PDE8A: variants seen among roughly 807,000 people sequenced by gnomAD.
PDE8A encodes the protein phosphodiesterase 8A, also known as high affinity cAMP-specific and IBMX-insensitive 3',5'-cyclic phosphodiesterase 8A.
A neutral mutation model predicts 105.0 loss-of-function variants in PDE8A; 59 were observed. That is an observed-to-expected ratio of 0.56 (90% CI 0.46 to 0.70). The LOEUF (loss-of-function observed/expected upper bound fraction) is 0.70, where lower values mean the gene tolerates loss of function less well. Among genes scored for constraint, PDE8A ranks in the 30% least tolerant of loss-of-function variants. The pLI is 0.00. For synonymous variants in PDE8A, 355 were observed against 371.9 expected (o/e 0.95, Z 0.52); for missense variants, 1,014 against 1,045.9 (o/e 0.97, Z 0.42).
At chr15:85,106,404 C>T (rs1302522702) in intron 11 of PDE8A, among the ~76,000 whole-genome samples, 1 of 152,176 alleles carries the variant, frequency 6.6e-6, no homozygotes, top group African/African-American at 2.4e-5. Context: ...ATGGACTATA[C>T]CTCATTCATT....
intron 12 of PDE8A, among the ~76,000 whole-genome samples, chr15:85,110,964 GTTTTAA>G (rs1219504972): frequency 2.6e-5 from 4 of 152,108 alleles, no homozygotes; most frequent in Non-Finnish European, 4.4e-5. Context: ...CACTCCAGTG[GTTTTAA>G]TTTTAATTTT....
In PDE8A at chr15:84,999,192, C is replaced by T. The variant is rs145256844; in HGVS notation, c.186+16844C>T. ...CTGGATTTCAGTGGTGCAATCTTGACTCACTGCAACCTCTGCCTCCTGGGT... is the reference window on the plus strand; with the variant it reads ...CTGGATTTCAGTGGTGCAATCTTGATTCACTGCAACCTCTGCCTCCTGGGT... On this transcript the variant is annotated intron_variant, in intron 1 of 21. Transcript: ENST00000394553. 3.3e-3 allele frequency among the ~76,000 whole-genome samples: 486 copies of T among 147,782 alleles called. 2 individuals are homozygous for T. Among genetic ancestry groups the T allele is most frequent in the African/African-American group, 0.012 (472 of 40,144 alleles).
At chr15:85,043,037 G>A (rs2080834500) in intron 1 of PDE8A, among the ~76,000 whole-genome samples, 1 of 152,136 alleles carries the variant, frequency 6.6e-6, no homozygotes, top group Admixed American at 6.6e-5. Context: ...TTGCAGTCAG[G>A]ATGCTAGTAG....
intron 20 of PDE8A, among the ~76,000 whole-genome samples, chr15:85,134,695 G>A (rs1242840876): frequency 4.6e-5 from 7 of 152,156 alleles, no homozygotes; most frequent in South Asian, 2.1e-4. Context: ...TAGCATACAC[G>A]CACCTCTGGG....
chr15:85,137,912 ACCAC>A lies in PDE8A; in HGVS notation c.*13_*16del. The A allele has an allele frequency of 6.6e-7, 1 of 1,517,910 alleles. No individual in the cohort carries two copies. Among genetic ancestry groups the A allele is most frequent in the Non-Finnish European group, 9.2e-7 (1 of 1,092,300 alleles). 94.0% of individuals were successfully genotyped at this position (1,517,910 alleles called of 1,614,324 possible). Reference sequence around the variant, plus strand: ...GACCACCTCCTGAATAGTGGGAGACACCACCCAGAGCCCTGAAGCTTTGTTCCTT... The same window carrying A: ...GACCACCTCCTGAATAGTGGGAGACACCAGAGCCCTGAAGCTTTGTTCCTT... On this transcript the variant is annotated 3_prime_UTR_variant, in exon 22 of 22. Coordinates refer to ENST00000394553, the MANE Select transcript of PDE8A (RefSeq NM_002605.3).
intron 1 of PDE8A, among the ~76,000 whole-genome samples, chr15:85,008,576 T>C (rs2080187219): frequency 6.6e-6 from 1 of 152,104 alleles, no homozygotes; most frequent in African/African-American, 2.4e-5. Context: ...TGCTACCAGG[T>C]ATAGGTCTTG....
intron 1 of PDE8A, chr15:85,063,510 C>T (rs1474045277): frequency 1.3e-5 from 2 of 152,178 alleles, no homozygotes; most frequent in Non-Finnish European, 2.9e-5. Context: ...CCTTGGGCCC[C>T]TTTGTGTTGT....
intron 1 of PDE8A, among the ~76,000 whole-genome samples, chr15:84,997,092 A>C (rs1305339253): frequency 6.6e-6 from 1 of 152,172 alleles, no homozygotes; most frequent in African/African-American, 2.4e-5. Context: ...TAACTTTCTG[A>C]CACATTTGAA....
intron 3 of PDE8A, among the ~76,000 whole-genome samples, chr15:85,073,276 G>A (rs2081338350): frequency 6.6e-6 from 1 of 152,144 alleles, no homozygotes; most frequent in South Asian, 2.1e-4. Flanking sequence ...TTCTTTCCTA[G>A]TTTTCATGAA....
chr15:84,982,765 G>GA (rs2079738585), intron 1 of PDE8A, among the ~76,000 whole-genome samples: 1 of 152,228 alleles, frequency 6.6e-6, no homozygotes, highest in African/African-American at 2.4e-5. Flanking sequence ...TCCTGTGGTA[G>GA]AAAGGGAAGG....
intron 1 of PDE8A, among the ~76,000 whole-genome samples, chr15:85,043,647 A>G (rs2080844008): frequency 6.6e-6 from 1 of 151,936 alleles, no homozygotes; most frequent in Admixed American, 6.6e-5. Flanking sequence ...CCTACTTTGT[A>G]CAGTATTTCA....
At chr15:84,994,705 G>A (rs961009939) in intron 1 of PDE8A, among the ~76,000 whole-genome samples, 14 of 152,100 alleles carry the variant, frequency 9.2e-5, no homozygotes. Flanking sequence ...GGTGGCTCAC[G>A]CCTGTAATCC....
At chr15:85,132,006 T>G (rs1192573549) in intron 20 of PDE8A, among the ~76,000 whole-genome samples, 1 of 152,226 alleles carries the variant, frequency 6.6e-6, no homozygotes, top group African/African-American at 2.4e-5. Context: ...TTTGCTGCTT[T>G]CGAGATCCTC....
chr15:85,116,283 G>A, intron 16 of PDE8A, 164 bp downstream of exon 16: 1 of 606,702 alleles, frequency 1.6e-6, no homozygotes, highest in East Asian at 2.8e-5. Flanking sequence ...ACCAGGGCCT[G>A]GGGGAGAGTC....
intron 14 of PDE8A, 100 bp from the exon 15 acceptor site, chr15:85,115,339 G>T: frequency 1.4e-6 from 1 of 726,732 alleles, no homozygotes; most frequent in South Asian, 1.7e-5. Context: ...TTGGTGGAGA[G>T]GGCTGCCCTG....
chr15:85,071,207 A>T (rs182070660), intron 3 of PDE8A, among the ~76,000 whole-genome samples: 1 of 152,204 alleles, frequency 6.6e-6, no homozygotes, highest in Non-Finnish European at 1.5e-5. Context: ...ACCAGTGGCC[A>T]TAAAGGAAGG....
intron 1 of PDE8A, among the ~76,000 whole-genome samples, chr15:85,028,472 C>T (rs575451030): frequency 3.9e-5 from 6 of 152,146 alleles, no homozygotes; most frequent in African/African-American, 9.7e-5. Flanking sequence ...TCCTCAGCCT[C>T]GCCAAGTGCT....
chr15:85,093,243 C>T (rs996557299), intron 8 of PDE8A, among the ~76,000 whole-genome samples: 30 of 152,268 alleles, frequency 2.0e-4, no homozygotes, highest in African/African-American at 6.5e-4. Context: ...GTATTTGTTT[C>T]GTTTTTCACA....
chr15:85,014,845 G>A (rs1001698690), intron 1 of PDE8A, among the ~76,000 whole-genome samples: 1 of 152,056 alleles, frequency 6.6e-6, no homozygotes, highest in Admixed American at 6.5e-5. Flanking sequence ...AATCAAAGTT[G>A]TGCAACCATT....
Sources: allele counts gnomAD v4.1 joint callset (sites outside exome capture counted in the v4.1 genomes callset), GRCh38; gene constraint gnomAD v4.1.1; transcripts MANE v1.5; gene names NCBI Gene and HGNC (gene_info 2026-07-23, HGNC 2026-07-21).